XRCC4: variants seen among roughly 807,000 people sequenced by gnomAD.
The protein encoded by XRCC4 is X-ray repair cross complementing 4, also known as DNA repair protein XRCC4.
In XRCC4, 28 loss-of-function variants were observed where a neutral mutation model predicts 39.1. That is an observed-to-expected ratio of 0.72 (90% confidence interval 0.53 to 0.98). The LOEUF is 0.98. Ranked by LOEUF, XRCC4 falls within the 50% of genes least tolerant of loss-of-function variation. XRCC4 has a pLI of 0.00. For synonymous variants in XRCC4, 123 were observed against 126.4 expected, an observed-to-expected ratio of 0.97 and a Z score of 0.18; for missense variants, 350 against 376.4, an observed-to-expected ratio of 0.93 and a Z score of 0.58.
chr5:83,117,938 C>T (rs1746813937), intron 3 of XRCC4, among the ~76,000 whole-genome samples: 1 of 151,532 alleles, frequency 6.6e-6, no homozygotes, highest in South Asian at 2.1e-4. Flanking sequence ...TGTGCCCCTC[C>T]CTGTGTTCAT....
At chr5:83,363,129 T>C in the XRCC4 span, among the ~76,000 whole-genome samples, 1 of 152,188 alleles carries the variant, frequency 6.6e-6, no homozygotes, top group Non-Finnish European at 1.5e-5. Flanking sequence ...AGAATCAGCC[T>C]GCTCTTATTC....
At chr5:83,282,045 T>A (rs566273373) in intron 7 of XRCC4, among the ~76,000 whole-genome samples, 2 of 152,318 alleles carry the variant, frequency 1.3e-5, no homozygotes, top group East Asian at 1.9e-4. Flanking sequence ...ACTAGCCTAT[T>A]TGGCATCATA....
chr5:83,179,300 A>G (rs916197514), intron 3 of XRCC4, among the ~76,000 whole-genome samples: 1 of 152,228 alleles, frequency 6.6e-6, no homozygotes, highest in Non-Finnish European at 1.5e-5. Context: ...ATCTAGAGCA[A>G]TGTTGAAGAA....
intron 3 of XRCC4, among the ~76,000 whole-genome samples, chr5:83,112,750 A>G (rs74443610): frequency 1.3e-5 from 2 of 148,430 alleles, no homozygotes; most frequent in Admixed American, 6.7e-5. Context: ...GTGCAGGGGA[A>G]CTCCCCTTTA....
At chr5:83,229,368 A>G (rs1463561781) in intron 6 of XRCC4, among the ~76,000 whole-genome samples, 1 of 151,896 alleles carries the variant, frequency 6.6e-6, no homozygotes, top group East Asian at 1.9e-4. Context: ...TCTTTAATAT[A>G]TCGCCTTGGC....
Position 83,122,707 on chromosome 5 carries a change from T to C in XRCC4, c.315+11504T>C, listed in dbSNP as rs1214269596. Among the ~76,000 whole-genome samples, 3 of 152,220 alleles carry C rather than the reference T, an allele frequency of 2.0e-5. No homozygotes were observed. The East Asian group carries it at 5.8e-4, about 29-fold the overall frequency. ...TTTATTCCAAATGCTTCATTTGGAA[T>C]AACTTCATTCCTCACATTTTGGTAT... On this transcript the variant is annotated intron_variant, in intron 3 of 7. Coordinates refer to ENST00000396027, the MANE Select transcript of XRCC4 (RefSeq NM_003401.5).
At chr5:83,193,010 G>T (rs7722761) in intron 3 of XRCC4, among the ~76,000 whole-genome samples, 10 of 152,070 alleles carry the variant, frequency 6.6e-5, no homozygotes, top group Non-Finnish European at 1.3e-4. Context: ...ATTTTCTGGC[G>T]TTAAAATGAT....
chr5:83,280,385 T>G, intron 7 of XRCC4: 1 of 560,970 alleles, frequency 1.8e-6, no homozygotes, highest in South Asian at 2.2e-5. Flanking sequence ...TGTCTTAAAA[T>G]TCTTCTCTCT....
intron 3 of XRCC4, among the ~76,000 whole-genome samples, chr5:83,135,018 G>T (rs1747819893): frequency 6.6e-6 from 1 of 152,132 alleles, no homozygotes; most frequent in African/African-American, 2.4e-5. Context: ...CCATCTTTAA[G>T]AACTGTTAAC....
intron 3 of XRCC4, among the ~76,000 whole-genome samples, chr5:83,125,110 G>A (rs12152892): frequency 0.34 from 51,401 of 151,850 alleles, 9,437 homozygotes; most frequent in Non-Finnish European, 0.42. Context: ...CTTTTCATAT[G>A]TTTATTTGCC....
intron 7 of XRCC4, among the ~76,000 whole-genome samples, chr5:83,325,778 A>C (rs916866895): frequency 1.3e-5 from 2 of 152,070 alleles, no homozygotes; most frequent in African/African-American, 4.8e-5. Context: ...ATATGCATGC[A>C]TGTATCTTTA....
At chr5:83,271,737 A>G (rs1041192948) in intron 7 of XRCC4, among the ~76,000 whole-genome samples, 6 of 151,786 alleles carry the variant, frequency 4.0e-5, no homozygotes, top group African/African-American at 1.4e-4. Flanking sequence ...AGTGGGAGGG[A>G]AGAGAGAGAG....
intron 6 of XRCC4, among the ~76,000 whole-genome samples, chr5:83,241,648 C>A (rs532700126): frequency 6.6e-6 from 1 of 152,204 alleles, no homozygotes; most frequent in South Asian, 2.1e-4. Context: ...TAGAGGTGCT[C>A]ACTTCCCATA....
intron 3 of XRCC4, among the ~76,000 whole-genome samples, chr5:83,131,973 C>T (rs1747613185): frequency 6.6e-6 from 1 of 152,062 alleles, no homozygotes; most frequent in African/African-American, 2.4e-5. Flanking sequence ...TTCTTCTTAG[C>T]ATCGATGGTC....
intron 7 of XRCC4, among the ~76,000 whole-genome samples, chr5:83,327,452 T>A (rs1257720179): frequency 2.6e-5 from 4 of 152,006 alleles, no homozygotes; most frequent in African/African-American, 9.7e-5. Context: ...TATAAAATGG[T>A]TCACTAGTAA....
intron 1 of XRCC4, among the ~76,000 whole-genome samples, chr5:83,090,266 G>A (rs1745361137): frequency 6.6e-6 from 1 of 152,042 alleles, no homozygotes; most frequent in African/African-American, 2.4e-5. Context: ...TGAATCATGG[G>A]GGCAGTTCTT....
chr5:83,368,823 T>C, the XRCC4 span, among the ~76,000 whole-genome samples: 1 of 152,318 alleles, frequency 6.6e-6, no homozygotes, highest in East Asian at 1.9e-4. Context: ...GGTGTGTTAA[T>C]AGCCTTTTGA....
At position 83,349,591 on chromosome 5, in the gene XRCC4, T is replaced by C. The variant is rs113683252; in HGVS notation, c.894-3540T>C. On this transcript the variant is annotated intron_variant, in intron 7 of 7. Coordinates refer to ENST00000396027, the MANE Select transcript of XRCC4 (RefSeq NM_003401.5). Reference sequence around the variant, plus strand: ...TGACATCAGAAGGAAATGTAAATTATAAGTGGAGCACCAGGAATCTATTTA... The same window carrying C: ...TGACATCAGAAGGAAATGTAAATTACAAGTGGAGCACCAGGAATCTATTTA... Among the ~76,000 whole-genome samples, 393 of 152,290 alleles carry C rather than the reference T, an allele frequency of 2.6e-3. 2 individuals are homozygous for C. Among genetic ancestry groups the C allele is most frequent in the African/African-American group, 8.9e-3 (370 of 41,564 alleles).
chr5:83,252,927 A>G (rs1342749766), intron 6 of XRCC4, among the ~76,000 whole-genome samples: 4 of 152,228 alleles, frequency 2.6e-5, no homozygotes, highest in Non-Finnish European at 5.9e-5. Context: ...GGTTCCAGCT[A>G]TAGGGTATTC....
Sources: allele counts gnomAD v4.1 joint callset (sites outside exome capture counted in the v4.1 genomes callset), GRCh38; gene constraint gnomAD v4.1.1; transcripts MANE v1.5; gene names NCBI Gene and HGNC (gene_info 2026-07-23, HGNC 2026-07-21).